Variants in SLC16A10 observed in about 807,000 individuals in gnomAD.
SLC16A10 encodes the protein solute carrier family 16 member 10.
A neutral mutation model predicts 40.0 loss-of-function variants in SLC16A10; 27 were observed. That is an observed-to-expected ratio of 0.67 (90% CI 0.50 to 0.93). The LOEUF (loss-of-function observed/expected upper bound fraction) is 0.93. Ranked by LOEUF, SLC16A10 falls within the 40% of genes least tolerant of loss-of-function variation. The pLI is 0.00. For synonymous variants in SLC16A10, 213 were observed against 249.8 expected (o/e 0.85, Z 1.39); for missense variants, 529 against 658.2 (o/e 0.80, Z 2.15).
chr6:111,100,982 CTCTCTCTCTCTATATATATA>C (rs1322969031), intron 1 of SLC16A10, among the ~76,000 whole-genome samples: 1 of 116,614 alleles, frequency 8.6e-6, no homozygotes, highest in African/African-American at 3.8e-5. Flanking sequence ...CTCTCTCTCT[CTCTCTCTCTCTATATATATA>C]TATATATATA....
In SLC16A10 at chr6:111,167,662, TGAGAGAGA is replaced by T. The variant is rs142460950; in HGVS notation, c.344-5024_344-5017del. Among the ~76,000 whole-genome samples the T allele has an allele frequency of 2.9e-4, 44 of 150,630 alleles. No individual in the cohort carries two copies. In the East Asian group the frequency reaches 8.6e-3, roughly 29 times the overall value. On this transcript the variant is annotated intron_variant, in intron 1 of 5. Transcript: ENST00000368851. ...TTTATTTATTGTGTGTGTGTGTATG[TGAGAGAGA>T]GAGAGAGAAAGAGAGAGAGACGAGG...
chr6:111,117,908 A>G (rs1265764912), intron 1 of SLC16A10, among the ~76,000 whole-genome samples: 1 of 152,230 alleles, frequency 6.6e-6, no homozygotes, highest in Non-Finnish European at 1.5e-5. Flanking sequence ...ACTTTCTGTT[A>G]TACTTCAAGG....
At chr6:111,217,023 T>C (rs778982852) in intron 4 of SLC16A10, among the ~76,000 whole-genome samples, 2 of 152,158 alleles carry the variant, frequency 1.3e-5, no homozygotes, top group African/African-American at 2.4e-5. Flanking sequence ...GGTGTGCTAG[T>C]AGGGCCTAGG....
At chr6:111,148,313 G>A (rs541814432) in intron 1 of SLC16A10, among the ~76,000 whole-genome samples, 10 of 152,296 alleles carry the variant, frequency 6.6e-5, no homozygotes, top group African/African-American at 1.9e-4. Context: ...GCCTGTGTAC[G>A]CAGTTTATGG....
intron 4 of SLC16A10, among the ~76,000 whole-genome samples, chr6:111,215,414 TAAAAA>T (rs34294985): frequency 2.3e-5 from 3 of 128,096 alleles, no homozygotes; most frequent in Non-Finnish European, 1.6e-5. Flanking sequence ...GTACTGGTGT[TAAAAA>T]AAAAAAAAAA....
intron 1 of SLC16A10, among the ~76,000 whole-genome samples, chr6:111,136,719 C>G (rs1242814988): frequency 6.6e-6 from 1 of 152,178 alleles, no homozygotes; most frequent in African/African-American, 2.4e-5. Flanking sequence ...GATGAAAGTT[C>G]CTTTGTAGAA....
intron 4 of SLC16A10, among the ~76,000 whole-genome samples, chr6:111,212,420 C>T (rs930511946): frequency 2.0e-5 from 3 of 152,190 alleles, no homozygotes; most frequent in Non-Finnish European, 2.9e-5. Context: ...ATGAATTTAT[C>T]TCACATTTTT....
chr6:111,230,303 C>A lies in SLC16A10; in HGVS notation c.*8068C>A, dbSNP rs999873249. ...AATGACAGGTTTCAGTTGAATTCTT[C>A]TCTTTTAAAAGACCCTGACTTAACT... On this transcript the variant is annotated 3_prime_UTR_variant, in exon 6 of 6. Transcript: ENST00000368851. 1 of 152,080 alleles carries A rather than the reference C, an allele frequency of 6.6e-6. No individual in the cohort carries two copies. The highest frequency in any genetic ancestry group is 2.4e-5 in the African/African-American group (1 of 41,408). The allele number at this position is 152,080 out of a possible 1,614,324, so 9.4% of individuals were successfully genotyped here. A position where few individuals can be genotyped will look rare whatever the true frequency, so the allele number is the denominator to read the frequency against.
chr6:111,195,599 A>G (rs1583356256), intron 3 of SLC16A10, among the ~76,000 whole-genome samples: 1 of 152,230 alleles, frequency 6.6e-6, no homozygotes, highest in African/African-American at 2.4e-5. Flanking sequence ...CAAATTTCCA[A>G]AACAACCCTA....
intron 1 of SLC16A10, chr6:111,091,259 G>A (rs911789261): frequency 2.3e-4 from 35 of 152,060 alleles, no homozygotes; most frequent in African/African-American, 8.2e-4. Context: ...CTTGTTCAGG[G>A]GTCACGCTAA....
intron 1 of SLC16A10, among the ~76,000 whole-genome samples, chr6:111,128,592 C>T (rs894178670): frequency 6.6e-6 from 1 of 152,272 alleles, no homozygotes; most frequent in Non-Finnish European, 1.5e-5. Flanking sequence ...TTCTACTGGA[C>T]GAGTTCCACC....
At chr6:111,145,937 AAAC>A (rs1380844327) in intron 1 of SLC16A10, among the ~76,000 whole-genome samples, 1 of 152,242 alleles carries the variant, frequency 6.6e-6, no homozygotes, top group African/African-American at 2.4e-5. Flanking sequence ...TTAAAAGCAC[AAAC>A]AACAACAAAA....
At chr6:111,106,973 T>G (rs780784979) in intron 1 of SLC16A10, among the ~76,000 whole-genome samples, 17 of 152,196 alleles carry the variant, frequency 1.1e-4, no homozygotes, top group Non-Finnish European at 2.1e-4. Context: ...TAAGTTAGTG[T>G]TATAAAATTG....
intron 1 of SLC16A10, among the ~76,000 whole-genome samples, chr6:111,161,981 CTGA>C (rs201330173): frequency 0.01 from 1,576 of 152,292 alleles, 35 homozygotes; most frequent in African/African-American, 0.036. Context: ...TGAGCTGCAG[CTGA>C]TGATCACTGG....
intron 1 of SLC16A10, among the ~76,000 whole-genome samples, chr6:111,144,205 A>G (rs545495031): frequency 6.6e-6 from 1 of 152,214 alleles, no homozygotes; most frequent in South Asian, 2.1e-4. Flanking sequence ...TTGAATTATT[A>G]TTATTATTTT....
rs1771078776 is a variant in SLC16A10 at position 111,229,990 on chromosome 6, C to CTTTTTCT, written c.*7760_*7761insCTTTTTT. On this transcript the variant is annotated 3_prime_UTR_variant, in exon 6 of 6. Transcript: ENST00000368851. ...CAGGTTTCTTTTTCTTTCTTTGTTT[C>CTTTTTCT]TTTTTTTTTTTTTTTTTTGAGATGG... The CTTTTTCT allele has an allele frequency of 1.2e-5, 1 of 85,382 alleles. No individual in the cohort carries two copies. The highest frequency in any genetic ancestry group is 2.0e-5 in the Non-Finnish European group (1 of 49,718). The allele number at this position is 85,382 out of a possible 1,614,324, so 5.3% of individuals were successfully genotyped here. A position where few individuals can be genotyped will look rare whatever the true frequency, so the allele number is the denominator to read the frequency against.
intron 2 of SLC16A10, 42 bp downstream of exon 2, chr6:111,172,881 A>G: frequency 1.9e-6 from 3 of 1,598,668 alleles, no homozygotes; most frequent in Non-Finnish European, 2.6e-6. Context: ...AAAAACTGTT[A>G]GATACCTTAA....
chr6:111,156,538 C>T (rs547424234), intron 1 of SLC16A10, among the ~76,000 whole-genome samples: 2 of 152,316 alleles, frequency 1.3e-5, no homozygotes, highest in East Asian at 3.9e-4. Flanking sequence ...GAACACCAGA[C>T]AAATCCTAAT....
At chr6:111,210,475 T>C (rs932542222) in intron 4 of SLC16A10, among the ~76,000 whole-genome samples, 11 of 152,196 alleles carry the variant, frequency 7.2e-5, no homozygotes, top group African/African-American at 2.7e-4. Context: ...CTAATGGACA[T>C]TTATTGCACT....
Sources: gnomAD v4.1 joint callset for allele counts (sites outside exome capture counted in the v4.1 genomes callset) on GRCh38, gnomAD v4.1.1 for gene constraint, MANE v1.5 for transcripts, NCBI Gene and HGNC (gene_info 2026-07-23, HGNC 2026-07-21) for gene names.